SERPINB7: variants seen among roughly 807,000 people sequenced by gnomAD.
SERPINB7 encodes the protein serpin family B member 7.
SERPINB7 carries 31 observed loss-of-function variants against 37.4 expected under a neutral mutation model. The observed-to-expected ratio is 0.83, with a 90% CI of 0.62 to 1.12. The LOEUF is 1.12. Ranked by LOEUF, SERPINB7 falls within the 50% of genes most tolerant of loss-of-function variation. SERPINB7 has a pLI of 0.00. For synonymous variants in SERPINB7, 163 were observed against 166.1 expected (o/e 0.98, Z 0.14); for missense variants, 521 against 455.3 (o/e 1.14, Z -1.31).
At chr18:63,754,585 G>A (rs892282024) in intron 1 of SERPINB7, among the ~76,000 whole-genome samples, 3 of 152,108 alleles carry the variant, frequency 2.0e-5, no homozygotes, top group Admixed American at 2.0e-4. Flanking sequence ...GAGAGACTCA[G>A]GTTAGGAGGG....
chr18:63,799,376 C>G (rs1232470395), intron 6 of SERPINB7, among the ~76,000 whole-genome samples: 1 of 152,200 alleles, frequency 6.6e-6, no homozygotes, highest in Non-Finnish European at 1.5e-5. Context: ...GGGCCCCTGC[C>G]TTGCTTCACA....
At position 63,759,925 on chromosome 18, in the gene SERPINB7, C is replaced by G. The variant is rs557601656; in HGVS notation, c.-19+6805C>G. Among the ~76,000 whole-genome samples, 46 of 152,252 alleles carry G rather than the reference C, an allele frequency of 3.0e-4. No individual in the cohort carries two copies. The South Asian group carries it at 8.9e-3, about 30-fold the overall frequency. ...AATGAAACCTCTTTTTCTTCCCAGT[C>G]TCAGGTATGTCTTTATCAGCAGCGT... On this transcript the variant is annotated intron_variant, in intron 1 of 7. Coordinates refer to the SERPINB7 transcript ENST00000336429.
chr18:63,761,138 G>C (rs142993709), intron 1 of SERPINB7, among the ~76,000 whole-genome samples: 5 of 152,210 alleles, frequency 3.3e-5, no homozygotes, highest in African/African-American at 1.2e-4. Context: ...AAGCCACAGG[G>C]GCAGAGCTGT....
intron 2 of SERPINB7, among the ~76,000 whole-genome samples, chr18:63,783,093 G>A (rs910984723): frequency 2.0e-4 from 31 of 151,744 alleles, no homozygotes; most frequent in African/African-American, 6.5e-4. Context: ...AGCCGAGATA[G>A]CGCTACTGCA....
intron 7 of SERPINB7, among the ~76,000 whole-genome samples, chr18:63,802,395 C>T (rs996538139): frequency 6.6e-6 from 1 of 152,146 alleles, no homozygotes; most frequent in African/African-American, 2.4e-5. Flanking sequence ...GACTCATCTC[C>T]CTTCTCTATT....
At chr18:63,762,441 T>A (rs1225107608) in intron 1 of SERPINB7, among the ~76,000 whole-genome samples, 1 of 152,198 alleles carries the variant, frequency 6.6e-6, no homozygotes, top group Non-Finnish European at 1.5e-5. Context: ...TTATTGAGTC[T>A]GATTTACAGA....
At chr18:63,771,437 T>G (rs75783528), upstream of SERPINB7, among the ~76,000 whole-genome samples, 4,047 of 152,210 alleles carry the variant, frequency 0.027, 69 homozygotes, top group Non-Finnish European at 0.041. Flanking sequence ...TTGATAGAAT[T>G]GTAAATGAAA....
At chr18:63,759,122 C>A (rs1310563517) in intron 1 of SERPINB7, among the ~76,000 whole-genome samples, 2 of 152,024 alleles carry the variant, frequency 1.3e-5, no homozygotes, top group Admixed American at 1.3e-4. Flanking sequence ...CTATCCTATT[C>A]TATTCTACTC....
At chr18:63,769,425 G>A (rs1397161327) in intron 1 of SERPINB7, among the ~76,000 whole-genome samples, 3 of 151,918 alleles carry the variant, frequency 2.0e-5, no homozygotes, top group Non-Finnish European at 1.5e-5. Flanking sequence ...TAAAATCCTT[G>A]TCAGATAATT....
chr18:63,778,128 G>C (rs2049268478), intron 1 of SERPINB7: 1 of 152,022 alleles, frequency 6.6e-6, no homozygotes, highest in African/African-American at 2.4e-5. Flanking sequence ...CATCTTTGAA[G>C]AGATAAGTAG....
At position 63,754,457 on chromosome 18, in the gene SERPINB7, C is replaced by T. The variant is rs1522721; in HGVS notation, c.-19+1337C>T. On this transcript the variant is annotated intron_variant, in intron 1 of 7. Coordinates refer to the SERPINB7 transcript ENST00000336429. ...CCATAGGTAATGCTGAGGAGAACACCGGTAAACAGATAATCATAAGAGGCA... is the reference window on the plus strand; with the variant it reads ...CCATAGGTAATGCTGAGGAGAACACTGGTAAACAGATAATCATAAGAGGCA... Among the ~76,000 whole-genome samples, 94 of 152,116 alleles carry T rather than the reference C, an allele frequency of 6.2e-4. 1 individual carries two copies. In the South Asian group the frequency reaches 0.015, roughly 25 times the overall value.
chr18:63,788,109 A>G (rs1165436518), intron 2 of SERPINB7, among the ~76,000 whole-genome samples: 1 of 152,212 alleles, frequency 6.6e-6, no homozygotes, highest in African/African-American at 2.4e-5. Flanking sequence ...TAGTTATTTT[A>G]AAGTGTACTC....
intron 7 of SERPINB7, among the ~76,000 whole-genome samples, chr18:63,803,739 T>C (rs1268202152): frequency 1.3e-5 from 2 of 152,216 alleles, no homozygotes; most frequent in Non-Finnish European, 2.9e-5. Context: ...GAGATATTGG[T>C]CACCCAAACC....
At chr18:63,780,370 T>A (rs922167471) in intron 1 of SERPINB7, among the ~76,000 whole-genome samples, 2 of 152,206 alleles carry the variant, frequency 1.3e-5, no homozygotes, top group Non-Finnish European at 2.9e-5. Flanking sequence ...ATTTTGATCT[T>A]ATTTTTTCAT....
At chr18:63,802,788 A>G (rs2049563891) in intron 7 of SERPINB7, among the ~76,000 whole-genome samples, 2 of 152,220 alleles carry the variant, frequency 1.3e-5, no homozygotes, top group South Asian at 4.1e-4. Context: ...CATGACTTTA[A>G]AGCTTTGGAA....
At chr18:63,797,204 A>G (rs2049497669) in intron 5 of SERPINB7, among the ~76,000 whole-genome samples, 2 of 152,190 alleles carry the variant, frequency 1.3e-5, no homozygotes, top group Admixed American at 1.3e-4. Flanking sequence ...TAAATATTGT[A>G]CCTGTATTTA....
At chr18:63,779,653 T>G (rs116071388) in intron 1 of SERPINB7, among the ~76,000 whole-genome samples, 1 of 152,130 alleles carries the variant, frequency 6.6e-6, no homozygotes, top group East Asian at 1.9e-4. Context: ...TCTAGTATGG[T>G]TTCTCTGCCA....
At chr18:63,783,274 G>GAAAGAA (rs1568208055) in intron 2 of SERPINB7, among the ~76,000 whole-genome samples, 3 of 149,426 alleles carry the variant, frequency 2.0e-5, no homozygotes. Flanking sequence ...AAGAAAGAAA[G>GAAAGAA]AAAGAAAGAA....
At chr18:63,781,639 AAAC>A (rs1204434713) in intron 1 of SERPINB7, among the ~76,000 whole-genome samples, 1 of 152,236 alleles carries the variant, frequency 6.6e-6, no homozygotes, top group Non-Finnish European at 1.5e-5. Flanking sequence ...TGTATTGCAG[AAAC>A]AACATCATGA....
Sources: allele counts gnomAD v4.1 joint callset (sites outside exome capture counted in the v4.1 genomes callset), GRCh38; gene constraint gnomAD v4.1.1; transcripts MANE v1.5; gene names NCBI Gene and HGNC (gene_info 2026-07-23, HGNC 2026-07-21).